Variants in SRPK2 observed in about 807,000 individuals in gnomAD.
SRPK2 encodes the protein SFRS protein kinase 2.
SRPK2 carries 21 observed loss-of-function variants against 90.8 expected under a neutral mutation model. The ratio of observed to expected loss-of-function variants is 0.23; its 90% confidence interval spans 0.16 to 0.33. The LOEUF (loss-of-function observed/expected upper bound fraction) is 0.33, where lower values mean the gene tolerates loss of function less well. SRPK2 is among the 10% of genes least tolerant of loss of function. The pLI is 1.00. For synonymous variants in SRPK2, 288 were observed against 311.1 expected, an observed-to-expected ratio of 0.93 and a Z score of 0.78; for missense variants, 620 against 869.0, an observed-to-expected ratio of 0.71 and a Z score of 3.60.
At chr7:105,180,166 T>C (rs1325794155) in intron 3 of SRPK2, among the ~76,000 whole-genome samples, 1 of 152,144 alleles carries the variant, frequency 6.6e-6, no homozygotes, top group Admixed American at 6.6e-5. Flanking sequence ...CGTTACCTGA[T>C]GTCAAAGTAT....
intron 2 of SRPK2, among the ~76,000 whole-genome samples, chr7:105,310,868 T>C (rs187155288): frequency 2.2e-4 from 33 of 152,298 alleles, no homozygotes; most frequent in African/African-American, 7.5e-4. Flanking sequence ...AAATGGAGCA[T>C]TAAAAAACTA....
At chr7:105,221,868 T>C (rs1218317661) in intron 2 of SRPK2, among the ~76,000 whole-genome samples, 2 of 152,222 alleles carry the variant, frequency 1.3e-5, no homozygotes, top group Non-Finnish European at 2.9e-5. Context: ...CACAGGGCTA[T>C]AAACAAACTA....
At chr7:105,341,659 A>T (rs1815806661) in intron 2 of SRPK2, among the ~76,000 whole-genome samples, 1 of 152,058 alleles carries the variant, frequency 6.6e-6, no homozygotes, top group Non-Finnish European at 1.5e-5. Context: ...GCAACAAAGC[A>T]ATTCTGTCTC....
At position 105,283,188 on chromosome 7, in the gene SRPK2, C is replaced by A. The variant is rs544343198; in HGVS notation, c.72-79403G>T. Among the ~76,000 whole-genome samples the A allele has an allele frequency of 1.4e-4, 21 of 152,318 alleles. No homozygotes were observed. The East Asian group carries it at 3.7e-3, about 27-fold the overall frequency. ...GAGAATTTCGAGACTTCAGGCATGG[C>A]TGGTGGGAAAGTTAAATGGTGCAGC... On this transcript the variant is annotated intron_variant, in intron 2 of 15. Coordinates refer to ENST00000393651, the MANE Select transcript of SRPK2 (RefSeq NM_182692.3).
chr7:105,363,631 G>C (rs1254523183), intron 2 of SRPK2, among the ~76,000 whole-genome samples: 1 of 152,112 alleles, frequency 6.6e-6, no homozygotes, highest in Non-Finnish European at 1.5e-5. Flanking sequence ...GAATCCTCAA[G>C]GATCTAGAAC....
At chr7:105,384,700 T>C (rs972243650) in intron 2 of SRPK2, among the ~76,000 whole-genome samples, 1 of 152,124 alleles carries the variant, frequency 6.6e-6, no homozygotes, top group South Asian at 2.1e-4. Flanking sequence ...GCTTAACCTG[T>C]CAGAGCTGTC....
intron 2 of SRPK2, 25 bp downstream of exon 2, chr7:105,388,623 G>C: frequency 6.4e-7 from 1 of 1,562,418 alleles, no homozygotes; most frequent in Non-Finnish European, 8.7e-7. Context: ...GGTGGGGAAC[G>C]GGGACAGGCG....
At chr7:105,308,222 C>A (rs548948833) in intron 2 of SRPK2, among the ~76,000 whole-genome samples, 6 of 152,234 alleles carry the variant, frequency 3.9e-5, no homozygotes, top group African/African-American at 1.4e-4. Flanking sequence ...AAACTCTGAC[C>A]TTATTTTGCC....
chr7:105,387,260 G>C (rs903086958), intron 2 of SRPK2, among the ~76,000 whole-genome samples: 1 of 152,168 alleles, frequency 6.6e-6, no homozygotes, highest in Admixed American at 6.5e-5. Context: ...TTAAAACACA[G>C]TACTTATTCA....
At chr7:105,169,373 T>C (rs1790509943) in intron 3 of SRPK2, 108 bp from the exon 4 acceptor site, 3 of 759,550 alleles carry the variant, frequency 3.9e-6, no homozygotes, top group African/African-American at 3.5e-5. Context: ...CTCTACATAA[T>C]ACATGCAGAC....
rs550001007 is a variant in SRPK2, at chr7:105,201,355, T to C, written c.229+2273A>G. 6.6e-5 allele frequency among the ~76,000 whole-genome samples: 10 copies of C among 152,316 alleles called. No individual in the cohort carries two copies. In the South Asian group the frequency reaches 1.9e-3, roughly 28 times the overall value. ...CTATCTCTAATGACCTTACTGATGC[T>C]GACTTTAATACTCTGTGAAGGTTAG... On this transcript the variant is annotated intron_variant, in intron 3 of 15. Coordinates refer to ENST00000393651, the MANE Select transcript of SRPK2 (RefSeq NM_182692.3).
intron 2 of SRPK2, among the ~76,000 whole-genome samples, chr7:105,320,128 G>A (rs189346505): frequency 3.3e-5 from 5 of 152,086 alleles, no homozygotes; most frequent in Non-Finnish European, 7.4e-5. Flanking sequence ...GGTTGATTTT[G>A]CTATATATTT....
intron 2 of SRPK2, among the ~76,000 whole-genome samples, chr7:105,336,613 T>C (rs1015037523): frequency 6.6e-6 from 1 of 152,184 alleles, no homozygotes; most frequent in Non-Finnish European, 1.5e-5. Flanking sequence ...TATAGCAATC[T>C]CTCCTCTAAA....
chr7:105,346,471 C>A (rs533340534), intron 2 of SRPK2, among the ~76,000 whole-genome samples: 5 of 152,166 alleles, frequency 3.3e-5, no homozygotes, highest in Non-Finnish European at 5.9e-5. Context: ...AAAAGCAACA[C>A]AAGGCCAGGT....
At chr7:105,179,560 A>G (rs1792455456) in intron 3 of SRPK2, among the ~76,000 whole-genome samples, 1 of 152,130 alleles carries the variant, frequency 6.6e-6, no homozygotes, top group South Asian at 2.1e-4. Flanking sequence ...GATGGTGGCT[A>G]ATGTCTGTAA....
intron 2 of SRPK2, among the ~76,000 whole-genome samples, chr7:105,357,827 A>C (rs958470486): frequency 6.6e-6 from 1 of 152,196 alleles, no homozygotes; most frequent in African/African-American, 2.4e-5. Context: ...GGAACTATCA[A>C]ATCTCTGGTA....
intron 2 of SRPK2, among the ~76,000 whole-genome samples, chr7:105,386,334 C>T (rs1270647556): frequency 1.4e-5 from 2 of 145,532 alleles, no homozygotes. Context: ...AAAAAACAAC[C>T]TCTAACACCA....
chr7:105,124,604 G>A (rs556653008), intron 15 of SRPK2, among the ~76,000 whole-genome samples: 5 of 118,414 alleles, frequency 4.2e-5, no homozygotes, highest in African/African-American at 1.3e-4. Context: ...TTGCGCCACT[G>A]CACTCCAGCC....
chr7:105,241,032 A>C (rs1450108337), intron 2 of SRPK2, among the ~76,000 whole-genome samples: 1 of 152,238 alleles, frequency 6.6e-6, no homozygotes, highest in Non-Finnish European at 1.5e-5. Flanking sequence ...AGAACTCTTA[A>C]GTGAAAGCAC....
Sources: allele counts gnomAD v4.1 joint callset (sites outside exome capture counted in the v4.1 genomes callset), GRCh38; gene constraint gnomAD v4.1.1; transcripts MANE v1.5; gene names NCBI Gene and HGNC (gene_info 2026-07-23, HGNC 2026-07-21).